The following MDFIC2 variants were observed in gnomAD, a reference collection of about 807,000 sequenced individuals.
MDFIC2 encodes MyoD family inhibitor domain containing 2.
intron 2 of MDFIC2, among the ~76,000 whole-genome samples, chr3:70,217,837 G>A (rs1197770443): frequency 6.6e-6 from 1 of 152,092 alleles, no homozygotes; most frequent in East Asian, 1.9e-4. Context: ...AGGGCTTGGG[G>A]GTGACATACT....
chr3:70,311,685 C>G (rs545268848), intron 2 of MDFIC2, among the ~76,000 whole-genome samples: 1 of 151,688 alleles, frequency 6.6e-6, no homozygotes, highest in Admixed American at 6.6e-5. Context: ...ACAGGGACCA[C>G]AAGAAGCATT....
intron 2 of MDFIC2, among the ~76,000 whole-genome samples, chr3:70,215,798 A>T (rs1413257676): frequency 6.6e-6 from 1 of 152,132 alleles, no homozygotes; most frequent in Non-Finnish European, 1.5e-5. Context: ...CCAACTGATG[A>T]ACTGACAGAC....
intron 2 of MDFIC2, among the ~76,000 whole-genome samples, chr3:70,247,097 G>T (rs374884486): frequency 1.3e-5 from 2 of 151,780 alleles, no homozygotes; most frequent in Non-Finnish European, 2.9e-5. Context: ...AGTACCAAGC[G>T]CATGGTAGAA....
chr3:70,197,068 T>G lies in MDFIC2; in HGVS notation c.428A>C (p.Tyr143Ser). The part of the protein sequence containing the change: ...CTKMCCPSRR[Y>S]HHTSDENHSR... ...GTGGTTTTCATCCGAGGTGTGGTGA[T>G]ACCGGCGAGAGGGGCAGCACATTTT... The change falls in exon 4 of 4, where the codon TAT (tyrosine) becomes TCT (serine). Residue 143 changes from tyrosine (Y) to serine (S), a missense_variant. Tyr to Ser is a moderately radical substitution (Grantham distance 144). Transcript: ENST00000567252. 2.5e-6 allele frequency: 1 copy of G among 398,434 alleles called. No individual in the cohort carries two copies. The highest frequency in any genetic ancestry group is 3.6e-5 in the East Asian group (1 of 28,078). The allele number at this position is 398,434 out of a possible 1,614,324, so 24.7% of individuals were successfully genotyped here. A position where few individuals can be genotyped will look rare whatever the true frequency, so the allele number is the denominator to read the frequency against.
intron 2 of MDFIC2, among the ~76,000 whole-genome samples, chr3:70,251,058 G>T (rs9814331): frequency 1.3e-5 from 2 of 152,216 alleles, no homozygotes; most frequent in Non-Finnish European, 2.9e-5. Context: ...TGCTGTACAC[G>T]GTTGAATCGT....
chr3:70,268,182 A>G (rs1469367417), intron 2 of MDFIC2, among the ~76,000 whole-genome samples: 2 of 152,056 alleles, frequency 1.3e-5, no homozygotes, highest in African/African-American at 4.8e-5. Context: ...TATTATCAAC[A>G]TTCTCCGGCT....
chr3:70,235,750 G>C (rs112907805), intron 2 of MDFIC2, among the ~76,000 whole-genome samples: 19 of 152,280 alleles, frequency 1.2e-4, no homozygotes, highest in African/African-American at 4.3e-4. Flanking sequence ...ATTTATTGCT[G>C]TATGACTTAG....
intron 3 of MDFIC2, among the ~76,000 whole-genome samples, chr3:70,197,763 C>T (rs1357407363): frequency 6.6e-6 from 1 of 152,166 alleles, no homozygotes; most frequent in Non-Finnish European, 1.5e-5. Flanking sequence ...TATTTTTAAT[C>T]TCTGTTTCCG....
At chr3:70,279,936 T>C (rs955414916) in intron 2 of MDFIC2, among the ~76,000 whole-genome samples, 4 of 152,172 alleles carry the variant, frequency 2.6e-5, no homozygotes, top group African/African-American at 9.7e-5. Flanking sequence ...GATCCTGTCT[T>C]TGCTCCATTA....
At chr3:70,242,055 A>G (rs1249892858) in intron 2 of MDFIC2, among the ~76,000 whole-genome samples, 1 of 152,194 alleles carries the variant, frequency 6.6e-6, no homozygotes, top group Non-Finnish European at 1.5e-5. Flanking sequence ...CAGAAAGACT[A>G]GAGACAATTT....
intron 2 of MDFIC2, among the ~76,000 whole-genome samples, chr3:70,234,639 CAAA>C (rs34609524): frequency 5.9e-5 from 7 of 118,840 alleles, no homozygotes; most frequent in Admixed American, 1.7e-4. Context: ...GACCCTGGCT[CAAA>C]AAAAAAAAAA....
intron 2 of MDFIC2, among the ~76,000 whole-genome samples, chr3:70,269,607 C>T (rs970134443): frequency 6.6e-6 from 1 of 152,122 alleles, no homozygotes; most frequent in South Asian, 2.1e-4. Flanking sequence ...CAGTTCTTGA[C>T]TTTTTCTTTG....
intron 2 of MDFIC2, among the ~76,000 whole-genome samples, chr3:70,262,150 G>A (rs1012833573): frequency 1.3e-5 from 2 of 152,002 alleles, no homozygotes; most frequent in African/African-American, 2.4e-5. Context: ...GCCACTGCTC[G>A]GTAACAATAC....
At chr3:70,237,271 T>C (rs1307980520) in intron 2 of MDFIC2, among the ~76,000 whole-genome samples, 2 of 152,230 alleles carry the variant, frequency 1.3e-5, no homozygotes, top group African/African-American at 4.8e-5. Flanking sequence ...CTGCATCATA[T>C]TCTCCAGTGC....
intron 2 of MDFIC2, among the ~76,000 whole-genome samples, chr3:70,232,678 A>G (rs1214780898): frequency 6.6e-6 from 1 of 152,094 alleles, no homozygotes; most frequent in African/African-American, 2.4e-5. Context: ...GGATGAAGAC[A>G]TCATTCCTGA....
chr3:70,206,488 C>T (rs1701291769), intron 3 of MDFIC2, 81 bp downstream of exon 3: 1 of 395,452 alleles, frequency 2.5e-6, no homozygotes, highest in Admixed American at 4.4e-5. Context: ...TTTTTTTTTC[C>T]TAACAGCATA....
intron 2 of MDFIC2, among the ~76,000 whole-genome samples, chr3:70,211,954 T>C (rs1292106133): frequency 6.6e-6 from 1 of 151,800 alleles, no homozygotes; most frequent in Non-Finnish European, 1.5e-5. Context: ...TTGACTGACC[T>C]AGCCCATCTC....
chr3:70,236,016 C>T (rs1701605373), intron 2 of MDFIC2, among the ~76,000 whole-genome samples: 2 of 152,134 alleles, frequency 1.3e-5, no homozygotes, highest in African/African-American at 2.4e-5. Flanking sequence ...ATACTAGCAG[C>T]GAATGAATGA....
chr3:70,283,973 T>C (rs1214630075), intron 2 of MDFIC2: 3 of 152,074 alleles, frequency 2.0e-5, no homozygotes, highest in African/African-American at 4.8e-5. Context: ...TCTCTAGTTT[T>C]CCCACCACCC....
Sources: gnomAD v4.1 joint callset for allele counts (sites outside exome capture counted in the v4.1 genomes callset) on GRCh38, gnomAD v4.1.1 for gene constraint, MANE v1.5 for transcripts, NCBI Gene and HGNC (gene_info 2026-07-23, HGNC 2026-07-21) for gene names.